Variants in RALGAPA1 observed in about 807,000 individuals in gnomAD.
RALGAPA1 encodes Ral GTPase activating protein catalytic subunit alpha 1, also known as ral GTPase-activating protein subunit alpha-1.
Under a neutral mutation model 269.6 loss-of-function variants are expected in RALGAPA1, and 52 were observed. The observed-to-expected ratio is 0.19, with a 90% CI of 0.15 to 0.24. The LOEUF (loss-of-function observed/expected upper bound fraction) is 0.24. Among genes scored for constraint, RALGAPA1 ranks in the 10% least tolerant of loss-of-function variants. The probability of loss-of-function intolerance (pLI) is 1.00; values close to 1 mark genes in which losing one functional copy is unlikely to be tolerated. For missense variants in RALGAPA1, 1,917 were observed against 3,013.9 expected (o/e 0.64, Z 8.52); for synonymous variants, 817 against 1,008.3 (o/e 0.81, Z 3.60).
chr14:35,762,245 G>GT (rs528378682), intron 5 of RALGAPA1, among the ~76,000 whole-genome samples: 4,915 of 147,986 alleles, frequency 0.033, 149 homozygotes, highest in African/African-American at 0.08. Flanking sequence ...CTCTTGCTAC[G>GT]TTTTTTTTTT....
chr14:35,738,037 A>G (rs1006901733), intron 12 of RALGAPA1, among the ~76,000 whole-genome samples: 4 of 151,688 alleles, frequency 2.6e-5, no homozygotes, highest in Non-Finnish European at 5.9e-5. Context: ...GCAGTGGGCC[A>G]AGATCGCACC....
intron 1 of RALGAPA1, among the ~76,000 whole-genome samples, chr14:35,794,481 G>C (rs1363720510): frequency 6.6e-6 from 1 of 151,840 alleles, no homozygotes; most frequent in East Asian, 1.9e-4. Context: ...TTTTGAGATG[G>C]AGTCTCCCTC....
Position 35,654,497 on chromosome 14 carries a change from G to A in RALGAPA1, c.5497-20C>T. The A allele has an allele frequency of 1.3e-6, 2 of 1,567,534 alleles. No individual in the cohort carries two copies. The highest frequency in any genetic ancestry group is 8.6e-7 in the Non-Finnish European group (1 of 1,165,022). ...AGTAAACTGCAATAATAAAAAAAAA[G>A]TTTTAAAAATTTTCATGATGAACTT... is the stretch of plus-strand genomic sequence containing the variant. On this transcript the variant is annotated intron_variant, in intron 29 of 41. Coordinates refer to ENST00000680220, the MANE Select transcript of RALGAPA1 (RefSeq NM_001346249.2).
At chr14:35,641,818 T>C (rs1020575612) in intron 31 of RALGAPA1, among the ~76,000 whole-genome samples, 7 of 152,034 alleles carry the variant, frequency 4.6e-5, no homozygotes, top group Non-Finnish European at 7.4e-5. Flanking sequence ...TGAACAAAAC[T>C]GGAAGAATCA....
intron 36 of RALGAPA1, among the ~76,000 whole-genome samples, chr14:35,602,561 G>A (rs2059356115): frequency 6.6e-6 from 1 of 152,136 alleles, no homozygotes; most frequent in Non-Finnish European, 1.5e-5. Context: ...TTCTCTGACA[G>A]CAAAGGATGT....
At chr14:35,617,380 G>A (rs1285663370) in intron 35 of RALGAPA1, among the ~76,000 whole-genome samples, 1 of 152,200 alleles carries the variant, frequency 6.6e-6, no homozygotes, top group Non-Finnish European at 1.5e-5. Context: ...CACTTTGGGA[G>A]GCTGAGGCAG....
At chr14:35,743,730 TA>T (rs1369770863) in intron 10 of RALGAPA1, among the ~76,000 whole-genome samples, 2 of 152,088 alleles carry the variant, frequency 1.3e-5, no homozygotes, top group African/African-American at 4.8e-5. Context: ...CAGAAACTAA[TA>T]AAAATCATAT....
intron 31 of RALGAPA1, among the ~76,000 whole-genome samples, chr14:35,647,705 C>A (rs150277772): frequency 3.0e-4 from 46 of 152,244 alleles, no homozygotes; most frequent in African/African-American, 1.1e-3. Context: ...GTAATCCCAG[C>A]ACTTTGGGAG....
chr14:35,700,410 A>T (rs1320449242), intron 16 of RALGAPA1, 108 bp from the exon 17 acceptor site: 3 of 843,908 alleles, frequency 3.6e-6, no homozygotes, highest in South Asian at 3.4e-5. Context: ...AAAGGTACAA[A>T]GGAAGGAAAT....
At chr14:35,687,209 C>CA (rs1017254686) in intron 18 of RALGAPA1, among the ~76,000 whole-genome samples, 7 of 151,810 alleles carry the variant, frequency 4.6e-5, no homozygotes, top group Non-Finnish European at 7.4e-5. Flanking sequence ...TTTTTCTTAC[C>CA]AAAAAAACCC....
intron 25 of RALGAPA1, among the ~76,000 whole-genome samples, chr14:35,671,820 G>A (rs2064467443): frequency 6.6e-6 from 1 of 152,220 alleles, no homozygotes; most frequent in Non-Finnish European, 1.5e-5. Flanking sequence ...CCCACACAAT[G>A]TAAAACTAAA....
chr14:35,602,949 T>C (rs1356320522), intron 36 of RALGAPA1, among the ~76,000 whole-genome samples: 1 of 152,172 alleles, frequency 6.6e-6, no homozygotes, highest in South Asian at 2.1e-4. Context: ...TCTGGTTTCA[T>C]TCTTTGCATA....
chr14:35,609,144 G>A (rs988654127), intron 35 of RALGAPA1, among the ~76,000 whole-genome samples: 2 of 151,650 alleles, frequency 1.3e-5, no homozygotes, highest in African/African-American at 2.4e-5. Flanking sequence ...GGAGAATGGC[G>A]TGAACTTGGG....
intron 10 of RALGAPA1, among the ~76,000 whole-genome samples, chr14:35,743,564 GCTAGACTGAA>G (rs2071769006): frequency 6.6e-6 from 1 of 151,922 alleles, no homozygotes; most frequent in African/African-American, 2.4e-5. Context: ...TGTTACCCAG[GCTAGACTGAA>G]CTGGCCTCAA....
chr14:35,593,792 T>C (rs2058771155), intron 37 of RALGAPA1, among the ~76,000 whole-genome samples: 1 of 152,058 alleles, frequency 6.6e-6, no homozygotes, highest in African/African-American at 2.4e-5. Flanking sequence ...AAGTTGAGGC[T>C]ACAGTGAACT....
intron 41 of RALGAPA1, chr14:35,542,059 GAAA>G: frequency 4.2e-6 from 5 of 1,177,016 alleles, no homozygotes; most frequent in Non-Finnish European, 5.6e-6. Context: ...TAGGAAAAAA[GAAA>G]AGAAGAAAAA....
chr14:35,742,626 G>T, intron 10 of RALGAPA1, 61 bp from the exon 11 acceptor site: 1 of 1,172,212 alleles, frequency 8.5e-7, no homozygotes, highest in Non-Finnish European at 1.3e-6. Flanking sequence ...AACCACTAAC[G>T]CAGTAATGTT....
rs951123698 is a variant in RALGAPA1, at chr14:35,721,975, C to T, written c.2105-126G>A. On this transcript the variant is annotated intron_variant, in intron 15 of 41. Transcript: ENST00000680220. Reference sequence around the variant, plus strand: ...TAAATTATAAAGTAATAAGACAAAACGCTGTGTACTGTAAGGCTTTTATGA... The same window carrying T: ...TAAATTATAAAGTAATAAGACAAAATGCTGTGTACTGTAAGGCTTTTATGA... 4.2e-5 allele frequency: 30 copies of T among 720,306 alleles called. No individual in the cohort carries two copies. The South Asian group carries it at 4.5e-4, about 11-fold the overall frequency. 44.6% of individuals were successfully genotyped at this position (720,306 alleles called of 1,614,324 possible). A position where few individuals can be genotyped will look rare whatever the true frequency, so the allele number is the denominator to read the frequency against.
chr14:35,721,301 A>G (rs534409283), intron 16 of RALGAPA1, among the ~76,000 whole-genome samples: 1 of 152,352 alleles, frequency 6.6e-6, no homozygotes, highest in South Asian at 2.1e-4. Flanking sequence ...AATCTACTAT[A>G]TAATTGTAGC....
Sources: allele counts gnomAD v4.1 joint callset (sites outside exome capture counted in the v4.1 genomes callset), GRCh38; gene constraint gnomAD v4.1.1; transcripts MANE v1.5; gene names NCBI Gene and HGNC (gene_info 2026-07-23, HGNC 2026-07-21).